SCAPER: variants seen among roughly 807,000 people sequenced by gnomAD.
SCAPER encodes the protein S-phase cyclin A associated protein in the ER, also known as S phase cyclin A-associated protein in the endoplasmic reticulum.
In SCAPER, 98 loss-of-function variants were observed where a neutral mutation model predicts 182.2. The observed-to-expected ratio is 0.54, with a 90% CI of 0.46 to 0.64. The LOEUF (loss-of-function observed/expected upper bound fraction) is 0.64. Among genes scored for constraint, SCAPER ranks in the 30% least tolerant of loss-of-function variants. SCAPER has a pLI of 0.00. For missense variants in SCAPER, 1,432 were observed against 1,690.0 expected (o/e 0.85, Z 2.68); for synonymous variants, 605 against 564.6 (o/e 1.07, Z -1.01).
At chr15:76,584,414 A>G (rs1196142281) in intron 22 of SCAPER, among the ~76,000 whole-genome samples, 2 of 152,202 alleles carry the variant, frequency 1.3e-5, no homozygotes, top group African/African-American at 4.8e-5. Context: ...GTATAATTGG[A>G]TAGTTTGTGA....
At chr15:76,666,027 A>G (rs2056547796) in intron 20 of SCAPER, among the ~76,000 whole-genome samples, 1 of 152,218 alleles carries the variant, frequency 6.6e-6, no homozygotes, top group Non-Finnish European at 1.5e-5. Flanking sequence ...CTACATGGAC[A>G]TAAACCCTAC....
At chr15:76,476,595 A>ATTTTTTTTTTTTTTT (rs5813839) in intron 24 of SCAPER, among the ~76,000 whole-genome samples, 5 of 73,498 alleles carry the variant, frequency 6.8e-5, no homozygotes, top group Non-Finnish European at 9.5e-5. Context: ...CACCCAGCTA[A>ATTTTTTTTTTTTTTT]TTTTTTTTTT....
intron 22 of SCAPER, among the ~76,000 whole-genome samples, chr15:76,584,449 G>A (rs955275490): frequency 1.1e-4 from 16 of 150,208 alleles, no homozygotes; most frequent in African/African-American, 4.0e-4. Flanking sequence ...AAATGCTTCA[G>A]GTGGTGGACA....
At chr15:76,869,012 G>A (rs1295868691) in intron 2 of SCAPER, among the ~76,000 whole-genome samples, 3 of 151,922 alleles carry the variant, frequency 2.0e-5, no homozygotes, top group African/African-American at 7.3e-5. Flanking sequence ...CATACACCAG[G>A]GAAAGAACAC....
intron 20 of SCAPER, among the ~76,000 whole-genome samples, chr15:76,677,869 GA>G (rs903031655): frequency 6.6e-6 from 1 of 151,522 alleles, no homozygotes; most frequent in African/African-American, 2.4e-5. Context: ...GAGACATGGG[GA>G]AAAAAACTGA....
At chr15:76,373,747 C>T (rs1207845221) in intron 29 of SCAPER, among the ~76,000 whole-genome samples, 5 of 152,160 alleles carry the variant, frequency 3.3e-5, no homozygotes, top group South Asian at 2.1e-4. Context: ...TCCTGCAGTG[C>T]GGTTCAGGGA....
chr15:76,640,839 G>A (rs561526727), intron 21 of SCAPER, among the ~76,000 whole-genome samples: 1 of 152,194 alleles, frequency 6.6e-6, no homozygotes, highest in African/African-American at 2.4e-5. Context: ...GCCAGAATAA[G>A]CCAACAGCAC....
chr15:76,515,709 T>C lies in SCAPER; in HGVS notation c.2839-10735A>G, dbSNP rs551469897. On this transcript the variant is annotated intron_variant, in intron 23 of 31. Coordinates refer to ENST00000563290, the MANE Select transcript of SCAPER (RefSeq NM_020843.4). ...GTTGTAAACTAAATCATAATGATTA[T>C]AGTATCTGTTTACTTCATCACAAAC... Among the ~76,000 whole-genome samples the C allele has an allele frequency of 5.9e-5, 9 of 152,352 alleles. No individual in the cohort carries two copies. The East Asian group carries it at 1.3e-3, about 23-fold the overall frequency.
chr15:76,883,219 C>A (rs1489681237), intron 2 of SCAPER, among the ~76,000 whole-genome samples: 1 of 152,148 alleles, frequency 6.6e-6, no homozygotes, highest in South Asian at 2.1e-4. Flanking sequence ...GGTTGGTCAC[C>A]CCAACTATCC....
chr15:76,896,737 C>A (rs965720607), intron 1 of SCAPER, among the ~76,000 whole-genome samples: 2 of 152,006 alleles, frequency 1.3e-5, no homozygotes, highest in African/African-American at 4.8e-5. Context: ...CCAGCCTGGG[C>A]AATGTGGAGA....
At chr15:76,451,682 T>C (rs1451776385) in intron 25 of SCAPER, among the ~76,000 whole-genome samples, 3 of 152,192 alleles carry the variant, frequency 2.0e-5, no homozygotes, top group African/African-American at 7.2e-5. Context: ...TTTTAGTCCA[T>C]TTCCCACATC....
intron 20 of SCAPER, among the ~76,000 whole-genome samples, chr15:76,679,345 T>A (rs989067381): frequency 5.9e-5 from 9 of 152,202 alleles, no homozygotes; most frequent in African/African-American, 9.6e-5. Context: ...ACAGTTCCAT[T>A]ATATTTAAGT....
At chr15:76,849,542 G>C (rs924559506) in intron 4 of SCAPER, among the ~76,000 whole-genome samples, 1 of 152,138 alleles carries the variant, frequency 6.6e-6, no homozygotes, top group South Asian at 2.1e-4. Context: ...CATCACCCCA[G>C]AGCTGCAGTG....
At chr15:76,789,230 T>C (rs1374677426) in intron 8 of SCAPER, among the ~76,000 whole-genome samples, 2 of 149,664 alleles carry the variant, frequency 1.3e-5, no homozygotes, top group Non-Finnish European at 2.9e-5. Flanking sequence ...TAAATACATA[T>C]AATGTAAATT....
intron 20 of SCAPER, among the ~76,000 whole-genome samples, chr15:76,696,954 T>C (rs2147199440): frequency 1.3e-5 from 2 of 152,288 alleles, no homozygotes; most frequent in South Asian, 4.1e-4. Context: ...CAATAAAGCC[T>C]TCTTACTCAG....
intron 5 of SCAPER, among the ~76,000 whole-genome samples, chr15:76,810,215 A>G (rs1369347889): frequency 1.3e-5 from 2 of 152,156 alleles, no homozygotes; most frequent in Admixed American, 6.5e-5. Context: ...TTTTATGACT[A>G]TAACAGTGGT....
At chr15:76,536,000 T>C (rs1012755334) in intron 23 of SCAPER, among the ~76,000 whole-genome samples, 1 of 152,222 alleles carries the variant, frequency 6.6e-6, no homozygotes, top group Non-Finnish European at 1.5e-5. Flanking sequence ...CTTCCAGTAA[T>C]TTGTAGGCTC....
chr15:76,557,271 T>C (rs1475488871), intron 23 of SCAPER, among the ~76,000 whole-genome samples: 1 of 152,144 alleles, frequency 6.6e-6, no homozygotes, highest in African/African-American at 2.4e-5. Flanking sequence ...TTAAAATTCA[T>C]ATGGAACCAA....
chr15:76,423,310 C>G (rs1311456771), intron 26 of SCAPER, among the ~76,000 whole-genome samples: 1 of 152,140 alleles, frequency 6.6e-6, no homozygotes, highest in Non-Finnish European at 1.5e-5. Context: ...TGTTATTGGT[C>G]TATTCAGAGA....
Sources: allele counts gnomAD v4.1 joint callset (sites outside exome capture counted in the v4.1 genomes callset), GRCh38; gene constraint gnomAD v4.1.1; transcripts MANE v1.5; gene names NCBI Gene and HGNC (gene_info 2026-07-23, HGNC 2026-07-21).